The following TMEM178B variants were observed in gnomAD, a reference collection of about 807,000 sequenced individuals.
TMEM178B encodes the protein transmembrane protein 178B.
TMEM178B carries 5 observed loss-of-function variants against 31.0 expected under a neutral mutation model. The ratio of observed to expected loss-of-function variants is 0.16; its 90% CI spans 0.08 to 0.34. TMEM178B has a LOEUF of 0.34. Ranked by LOEUF, TMEM178B falls within the 10% of genes least tolerant of loss-of-function variation. TMEM178B has a pLI of 1.00. For synonymous variants in TMEM178B, 164 were observed against 164.0 expected (o/e 1.00, Z 0.00); for missense variants, 275 against 400.3 (o/e 0.69, Z 2.67).
intron 2 of TMEM178B, among the ~76,000 whole-genome samples, chr7:141,219,851 C>A (rs978731811): frequency 4.6e-5 from 7 of 152,166 alleles, no homozygotes; most frequent in Non-Finnish European, 1.0e-4. Flanking sequence ...CTTATTTGTC[C>A]CATTCCCTCA....
At chr7:141,336,861 CCAT>C (rs1477368790) in intron 2 of TMEM178B, among the ~76,000 whole-genome samples, 2 of 126,704 alleles carry the variant, frequency 1.6e-5, no homozygotes, top group Non-Finnish European at 3.4e-5. Flanking sequence ...ACCATCACTA[CCAT>C]CATCATCACC....
chr7:141,118,170 C>T (rs1795350667), intron 1 of TMEM178B, among the ~76,000 whole-genome samples: 1 of 152,160 alleles, frequency 6.6e-6, no homozygotes, highest in African/African-American at 2.4e-5. Flanking sequence ...TTCCTGTGCC[C>T]ACAGTGGCCC....
At position 141,238,041 on chromosome 7, in the gene TMEM178B, A is replaced by AG. The variant is rs1485819652; in HGVS notation, c.496+25339dup. On this transcript the variant is annotated intron_variant, in intron 2 of 3. Coordinates refer to ENST00000565468, the MANE Select transcript of TMEM178B (RefSeq NM_001195278.2). ...TCTGTCTAAAAAAAAAAAAAAAAAA[A>AG]GGAAATTAAGGACAGGAGGAGGTAA... 2.4e-3 allele frequency among the ~76,000 whole-genome samples: 339 copies of AG among 143,892 alleles called. 6 individuals carry two copies. The highest frequency in any genetic ancestry group is 0.01 in the South Asian group (47 of 4,598). The allele number at this position is 143,892 out of a possible 152,430, so 94.4% of individuals were successfully genotyped here. A position where few individuals can be genotyped will look rare whatever the true frequency, so the allele number is the denominator to read the frequency against.
intron 2 of TMEM178B, among the ~76,000 whole-genome samples, chr7:141,298,924 C>T (rs1047347548): frequency 1.3e-5 from 2 of 152,314 alleles, no homozygotes; most frequent in African/African-American, 4.8e-5. Context: ...GACCCCTACT[C>T]CAGCCTTCTC....
chr7:141,319,301 A>G (rs1345492156), intron 2 of TMEM178B, among the ~76,000 whole-genome samples: 3 of 152,248 alleles, frequency 2.0e-5, no homozygotes. Context: ...GCCCACAGGC[A>G]GAAGACTCAG....
At chr7:141,391,524 G>A (rs1800541249) in intron 2 of TMEM178B, among the ~76,000 whole-genome samples, 1 of 151,990 alleles carries the variant, frequency 6.6e-6, no homozygotes, top group Middle Eastern at 3.4e-3. Flanking sequence ...TTTTTTTATT[G>A]TGGTTAAATA....
intron 2 of TMEM178B, among the ~76,000 whole-genome samples, chr7:141,276,295 C>A (rs1415351763): frequency 6.6e-6 from 1 of 152,076 alleles, no homozygotes; most frequent in Non-Finnish European, 1.5e-5. Flanking sequence ...ACTCATGCAT[C>A]GCTGAACGAC....
intron 2 of TMEM178B, among the ~76,000 whole-genome samples, chr7:141,357,913 A>C (rs972133844): frequency 2.0e-5 from 3 of 152,242 alleles, no homozygotes; most frequent in Non-Finnish European, 2.9e-5. Flanking sequence ...GTCCAGGTGC[A>C]AAACAGGTGA....
chr7:141,085,484 C>T lies in TMEM178B; in HGVS notation c.382+10792C>T, dbSNP rs571612633. Among the ~76,000 whole-genome samples, 244 of 151,262 alleles carry T rather than the reference C, an allele frequency of 1.6e-3. 1 individual carries two copies. The highest frequency in any genetic ancestry group is 5.6e-3 in the African/African-American group (232 of 41,254). ...TTATTTCAATTGATTTTTTTTTTGG[C>T]GTCAAAGTATTTTGCCAAGAAAAGG... On this transcript the variant is annotated intron_variant, in intron 1 of 3. Transcript: ENST00000565468.
intron 2 of TMEM178B, among the ~76,000 whole-genome samples, chr7:141,276,108 A>G (rs1335926236): frequency 1.3e-5 from 2 of 152,126 alleles, no homozygotes; most frequent in South Asian, 2.1e-4. Flanking sequence ...GGCTGAGGGG[A>G]CATGGGGAAA....
intron 1 of TMEM178B, among the ~76,000 whole-genome samples, chr7:141,111,742 C>A (rs951252131): frequency 6.6e-6 from 1 of 152,122 alleles, no homozygotes; most frequent in African/African-American, 2.4e-5. Flanking sequence ...ACTGAAAAGG[C>A]TCTTAATCAT....
At chr7:141,092,862 A>T (rs1794902308) in intron 1 of TMEM178B, among the ~76,000 whole-genome samples, 1 of 152,170 alleles carries the variant, frequency 6.6e-6, no homozygotes, top group Non-Finnish European at 1.5e-5. Flanking sequence ...GGTCTGAAGG[A>T]CATGAGGAAC....
At chr7:141,303,857 A>C (rs1798768425) in intron 2 of TMEM178B, among the ~76,000 whole-genome samples, 1 of 152,242 alleles carries the variant, frequency 6.6e-6, no homozygotes, top group Admixed American at 6.5e-5. Flanking sequence ...ATGGTCAGGC[A>C]CTATGCAAAG....
intron 2 of TMEM178B, among the ~76,000 whole-genome samples, chr7:141,393,038 A>G (rs1800574493): frequency 6.6e-6 from 1 of 152,156 alleles, no homozygotes; most frequent in South Asian, 2.1e-4. Context: ...AGTTGCAGCA[A>G]TCTTAGCCTG....
downstream of TMEM178B, among the ~76,000 whole-genome samples, chr7:141,481,842 C>T (rs1302882381): frequency 6.6e-6 from 1 of 152,144 alleles, no homozygotes; most frequent in Non-Finnish European, 1.5e-5. Context: ...CACCCTTGCA[C>T]CTTCCAGGGA....
intron 2 of TMEM178B, among the ~76,000 whole-genome samples, chr7:141,299,037 G>A (rs927575638): frequency 3.3e-5 from 5 of 152,124 alleles, no homozygotes; most frequent in African/African-American, 1.2e-4. Flanking sequence ...AGGGGTGGGT[G>A]AGAGAGAGAT....
At chr7:141,190,895 T>C (rs1343596493) in intron 1 of TMEM178B, among the ~76,000 whole-genome samples, 3 of 152,190 alleles carry the variant, frequency 2.0e-5, no homozygotes, top group Non-Finnish European at 4.4e-5. Flanking sequence ...ATATTTATAT[T>C]TGTCACCTCT....
At chr7:141,296,118 A>G (rs1798628343) in intron 2 of TMEM178B, among the ~76,000 whole-genome samples, 1 of 151,510 alleles carries the variant, frequency 6.6e-6, no homozygotes, top group South Asian at 2.1e-4. Flanking sequence ...CCCAGGCTGG[A>G]GTGCAATAGT....
At chr7:141,382,420 T>G (rs1800334590) in intron 2 of TMEM178B, among the ~76,000 whole-genome samples, 1 of 152,174 alleles carries the variant, frequency 6.6e-6, no homozygotes, top group Non-Finnish European at 1.5e-5. Flanking sequence ...CCTTTGAGAA[T>G]CCACCAATTT....
Sources: gnomAD v4.1 joint callset for allele counts (sites outside exome capture counted in the v4.1 genomes callset) on GRCh38, gnomAD v4.1.1 for gene constraint, MANE v1.5 for transcripts, NCBI Gene and HGNC (gene_info 2026-07-23, HGNC 2026-07-21) for gene names.